The following ETV6 variants were observed in gnomAD, a reference collection of about 807,000 sequenced individuals.
ETV6 encodes the protein transcription factor ETV6.
In ETV6, 16 loss-of-function variants were observed where a neutral mutation model predicts 51.1. The observed-to-expected ratio is 0.31, with a 90% confidence interval of 0.21 to 0.48. ETV6 has a LOEUF of 0.48. Among genes scored for constraint, ETV6 ranks in the 20% least tolerant of loss-of-function variants. The pLI, the probability that ETV6 is intolerant of heterozygous loss-of-function variation, is 0.99. For missense variants in ETV6, 458 were observed against 594.8 expected (o/e 0.77, Z 2.39); for synonymous variants, 240 against 224.1 (o/e 1.07, Z -0.64).
chr12:11,665,079 C>T (rs1864170445), intron 1 of ETV6, among the ~76,000 whole-genome samples: 1 of 152,204 alleles, frequency 6.6e-6, no homozygotes, highest in Non-Finnish European at 1.5e-5. Flanking sequence ...GTAATCTCAG[C>T]TCACTGCAAC....
At chr12:11,751,767 G>T (rs574950126) in intron 1 of ETV6, 3 of 456,846 alleles carry the variant, frequency 6.6e-6, no homozygotes, top group East Asian at 5.8e-5. Context: ...CAGAGGGAAA[G>T]GAAATATCGA....
intron 4 of ETV6, among the ~76,000 whole-genome samples, chr12:11,854,266 C>A (rs775025326): frequency 2.0e-5 from 3 of 152,008 alleles, no homozygotes; most frequent in Non-Finnish European, 4.4e-5. Flanking sequence ...GGGACTCAGG[C>A]GGTAATACGA....
At chr12:11,860,018 C>T (rs77195473) in intron 4 of ETV6, among the ~76,000 whole-genome samples, 181 of 152,306 alleles carry the variant, frequency 1.2e-3, no homozygotes, top group African/African-American at 4.0e-3. Flanking sequence ...CTTAGCATCA[C>T]GAAAATCTCC....
At position 11,869,346 on chromosome 12, in the gene ETV6, C is replaced by T. The variant is rs1946840437; in HGVS notation, c.464-78C>T. On this transcript the variant is annotated intron_variant, in intron 4 of 7. Transcript: ENST00000396373. This position sits in a 1 kb window ranked among gnomAD's most constrained non-coding sequence, Gnocchi z 5.0. ...ACATACCTACACGCTCCTCCATTTA[C>T]CGCCTGTAGAGCCGCAGGGAGTTTC... 7.5e-7 allele frequency: 1 copy of T among 1,329,330 alleles called. No homozygotes were observed. Among genetic ancestry groups the T allele is most frequent in the East Asian group, 2.3e-5 (1 of 43,362 alleles). The allele number at this position is 1,329,330 out of a possible 1,614,324, so 82.3% of individuals were successfully genotyped here.
chr12:11,888,600 G>T (rs147483068), intron 7 of ETV6, among the ~76,000 whole-genome samples: 1 of 152,004 alleles, frequency 6.6e-6, no homozygotes, highest in Non-Finnish European at 1.5e-5. Context: ...ACAGGGTTTC[G>T]CCATGTTGGC....
At position 11,892,914 on chromosome 12, in the gene ETV6, T is replaced by A. The variant is rs1297409078; in HGVS notation, c.*1868T>A. 4.3e-6 allele frequency: 1 copy of A among 233,032 alleles called. No individual in the cohort carries two copies. Among genetic ancestry groups the A allele is most frequent in the Admixed American group, 5.6e-5 (1 of 17,778 alleles). The allele number at this position is 233,032 out of a possible 1,614,324, so 14.4% of individuals were successfully genotyped here. A position where few individuals can be genotyped will look rare whatever the true frequency, so the allele number is the denominator to read the frequency against. On this transcript the variant is annotated 3_prime_UTR_variant, in exon 8 of 8. Coordinates refer to ENST00000396373, the MANE Select transcript of ETV6 (RefSeq NM_001987.5). Reference sequence around the variant, plus strand: ...ATCAAGGCTCTCTTCAGCCTTGCTCTGTCCCTGCCTCTTATCAGAGCACAG... The same window carrying A: ...ATCAAGGCTCTCTTCAGCCTTGCTCAGTCCCTGCCTCTTATCAGAGCACAG...
At chr12:11,690,906 A>ATAAATATG (rs1456323562) in intron 1 of ETV6, among the ~76,000 whole-genome samples, 1 of 150,874 alleles carries the variant, frequency 6.6e-6, no homozygotes, top group African/African-American at 2.4e-5. Context: ...AAATAAATAA[A>ATAAATATG]TAAAATTATA....
intron 1 of ETV6, among the ~76,000 whole-genome samples, chr12:11,681,096 A>G (rs1284764298): frequency 1.3e-5 from 2 of 152,212 alleles, no homozygotes; most frequent in African/African-American, 4.8e-5. Context: ...CCCACTGAGT[A>G]TAGACCTAAT....
chr12:11,891,671 C>A lies in ETV6; in HGVS notation c.*625C>A. ...CTCTTTTTCTCTCTCTTGCTCTGTT[C>A]TTCCCTTGGTCCCCTCTGTCCTCCC... is the stretch of plus-strand genomic sequence containing the variant. On this transcript the variant is annotated 3_prime_UTR_variant, in exon 8 of 8. Coordinates refer to ENST00000396373, the MANE Select transcript of ETV6 (RefSeq NM_001987.5). 2.0e-6 allele frequency: 1 copy of A among 511,188 alleles called. No individual in the cohort carries two copies. 31.7% of individuals were successfully genotyped at this position (511,188 alleles called of 1,614,324 possible).
chr12:11,770,492 C>CA (rs1229464132), intron 2 of ETV6, among the ~76,000 whole-genome samples: 1 of 152,184 alleles, frequency 6.6e-6, no homozygotes, highest in Non-Finnish European at 1.5e-5. Context: ...ATGGCGGTTG[C>CA]AGCCTTCCTT....
At chr12:11,810,398 C>G (rs569039597) in intron 2 of ETV6, among the ~76,000 whole-genome samples, 17 of 152,238 alleles carry the variant, frequency 1.1e-4, no homozygotes, top group African/African-American at 4.1e-4. Flanking sequence ...AAAGGCATTT[C>G]GAAGACCTTG....
intron 2 of ETV6, among the ~76,000 whole-genome samples, chr12:11,794,256 G>T (rs796502623): frequency 2.6e-5 from 4 of 152,276 alleles, no homozygotes; most frequent in African/African-American, 9.6e-5. Flanking sequence ...ATAGCTCTTG[G>T]AACTGGACAT....
chr12:11,737,388 A>C (rs1039303550), intron 1 of ETV6, among the ~76,000 whole-genome samples: 1 of 152,228 alleles, frequency 6.6e-6, no homozygotes, highest in Non-Finnish European at 1.5e-5. Flanking sequence ...GCAACTAAAA[A>C]GTGTTTATTA....
At chr12:11,850,713 G>C (rs1946541037) in intron 3 of ETV6, among the ~76,000 whole-genome samples, 1 of 152,200 alleles carries the variant, frequency 6.6e-6, no homozygotes, top group Non-Finnish European at 1.5e-5. Context: ...TTATAGATGA[G>C]GAAACTGAGG....
intron 1 of ETV6, among the ~76,000 whole-genome samples, chr12:11,714,799 C>T (rs935177979): frequency 4.0e-5 from 6 of 151,878 alleles, no homozygotes; most frequent in East Asian, 1.9e-4. Context: ...ATGTGAGTTG[C>T]GTATGTGAGT....
At position 11,869,350 on chromosome 12, in the gene ETV6, C is replaced by CT; in HGVS notation, c.464-73dup. 2.9e-6 allele frequency: 4 copies of CT among 1,387,624 alleles called. No individual in the cohort carries two copies. The highest frequency in any genetic ancestry group is 4.0e-6 in the Non-Finnish European group (4 of 1,008,426). 86.0% of individuals were successfully genotyped at this position (1,387,624 alleles called of 1,614,324 possible). Reference sequence around the variant, plus strand: ...ACCTACACGCTCCTCCATTTACCGCCTGTAGAGCCGCAGGGAGTTTCCTGT... The same window carrying CT: ...ACCTACACGCTCCTCCATTTACCGCCTTGTAGAGCCGCAGGGAGTTTCCTGT... On this transcript the variant is annotated intron_variant, in intron 4 of 7. Transcript: ENST00000396373. This position sits in a 1 kb window ranked among gnomAD's most constrained non-coding sequence, Gnocchi z 5.0.
intron 1 of ETV6, among the ~76,000 whole-genome samples, chr12:11,678,747 C>G (rs1864469499): frequency 6.6e-6 from 1 of 152,144 alleles, no homozygotes; most frequent in Admixed American, 6.5e-5. Flanking sequence ...TGGTGTCATT[C>G]AATCAGAGTC....
intron 2 of ETV6, among the ~76,000 whole-genome samples, chr12:11,786,211 C>T (rs894778884): frequency 5.3e-5 from 8 of 151,986 alleles, no homozygotes; most frequent in African/African-American, 1.2e-4. Flanking sequence ...TATGGTATGA[C>T]GCCATCATTT....
chr12:11,886,485 A>AAGGAT (rs1947187162), intron 7 of ETV6, among the ~76,000 whole-genome samples: 2 of 152,092 alleles, frequency 1.3e-5, no homozygotes, highest in East Asian at 1.9e-4. Context: ...TTAATGAAAT[A>AAGGAT]AGGATAGGAT....
Sources: gnomAD v4.1 joint callset for allele counts (sites outside exome capture counted in the v4.1 genomes callset) on GRCh38, gnomAD v4.1.1 for gene constraint, Gnocchi (gnomAD v3.1) non-coding constraint, MANE v1.5 for transcripts, NCBI Gene and HGNC (gene_info 2026-07-23, HGNC 2026-07-21) for gene names.